PCDHGB4: variants seen among roughly 807,000 people sequenced by gnomAD.
PCDHGB4 encodes protocadherin gamma-B4.
In PCDHGB4, 38 loss-of-function variants were observed where a neutral mutation model predicts 60.5. The observed-to-expected ratio is 0.63, with a 90% CI of 0.48 to 0.82. The LOEUF (loss-of-function observed/expected upper bound fraction) is 0.82. Among genes scored for constraint, PCDHGB4 ranks in the 40% least tolerant of loss-of-function variants. The pLI, the probability that PCDHGB4 is intolerant of heterozygous loss-of-function variation, is 0.00. For missense variants in PCDHGB4, 1,109 were observed against 1,209.6 expected (o/e 0.92, Z 1.23); for synonymous variants, 456 against 509.7 (o/e 0.89, Z 1.42).
At chr5:141,442,947 C>T (rs185574624) in intron 1 of PCDHGB4, among the ~76,000 whole-genome samples, 92 of 152,282 alleles carry the variant, frequency 6.0e-4, no homozygotes, top group African/African-American at 1.7e-3. Flanking sequence ...AACTTCCTCT[C>T]ACTGCAAAAA....
chr5:141,498,078 G>A (rs1165770641), intron 2 of PCDHGB4, among the ~76,000 whole-genome samples: 6 of 152,194 alleles, frequency 3.9e-5, no homozygotes, highest in African/African-American at 1.4e-4. Flanking sequence ...ATAAGTGCTA[G>A]GTAGAATTGT....
rs368927472 is a variant in PCDHGB4 at position 141,490,874 on chromosome 5, A to G, written c.2398-3933A>G. The G allele has an allele frequency of 2.4e-5, 39 of 1,613,830 alleles. No individual in the cohort carries two copies. Among genetic ancestry groups the G allele is most frequent in the Non-Finnish European group, 3.1e-5 (36 of 1,179,960 alleles). ...CGAGACTCCGGCTCTCCCCCATTGCATGCCAACACATCTCTGCATGTGTTT... is the reference window on the plus strand; with the variant it reads ...CGAGACTCCGGCTCTCCCCCATTGCGTGCCAACACATCTCTGCATGTGTTT... On this transcript the variant is annotated intron_variant, in intron 1 of 3. Transcript: ENST00000519479. This position sits in a 1 kb window ranked among gnomAD's most constrained non-coding sequence, Gnocchi z 5.4.
intron 1 of PCDHGB4, chr5:141,409,044 T>G (rs2095215005): frequency 6.2e-7 from 1 of 1,613,762 alleles, no homozygotes; most frequent in African/African-American, 1.3e-5. Context: ...AACTACTACT[T>G]CCGAAGCACT....
At chr5:141,501,312 C>T (rs2099807672) in intron 2 of PCDHGB4, among the ~76,000 whole-genome samples, 1 of 151,778 alleles carries the variant, frequency 6.6e-6, no homozygotes, top group South Asian at 2.1e-4. Context: ...CACACACACA[C>T]ACACACACAC....
At chr5:141,450,995 T>G (rs983544118) in intron 1 of PCDHGB4, among the ~76,000 whole-genome samples, 3 of 151,510 alleles carry the variant, frequency 2.0e-5, no homozygotes, top group Non-Finnish European at 4.4e-5. Context: ...CGGCTAATTT[T>G]TTTGTATTTT....
At chr5:141,474,159 G>A (rs2154571930) in intron 1 of PCDHGB4, among the ~76,000 whole-genome samples, 1 of 152,226 alleles carries the variant, frequency 6.6e-6, no homozygotes, top group South Asian at 2.1e-4. Context: ...GAAAATGACA[G>A]GCCTTATTAT....
At chr5:141,397,279 G>A (rs1208403541) in intron 1 of PCDHGB4, among the ~76,000 whole-genome samples, 1 of 152,168 alleles carries the variant, frequency 6.6e-6, no homozygotes, top group East Asian at 1.9e-4. Context: ...CATATGGGCA[G>A]TATACTTGAA....
intron 1 of PCDHGB4, chr5:141,428,184 C>G: frequency 6.8e-7 from 1 of 1,463,674 alleles, no homozygotes; most frequent in Middle Eastern, 1.7e-4. Flanking sequence ...GGAGGACAGC[C>G]GCCGCTCTCT....
rs116140192 is a variant in PCDHGB4, at chr5:141,497,400, A to C, written c.2456+2535A>C. Among the ~76,000 whole-genome samples, 87 of 152,110 alleles carry C rather than the reference A, an allele frequency of 5.7e-4. 1 individual carries two copies. Among genetic ancestry groups the C allele is most frequent in the African/African-American group, 2.0e-3 (82 of 41,484 alleles). ...GGGGTGAGCACCTTACCCCTGCCTCAACTCCCATTCCATCAAATGAGAGGC... is the reference window on the plus strand; with the variant it reads ...GGGGTGAGCACCTTACCCCTGCCTCCACTCCCATTCCATCAAATGAGAGGC... On this transcript the variant is annotated intron_variant, in intron 2 of 3. Coordinates refer to ENST00000519479, the MANE Select transcript of PCDHGB4 (RefSeq NM_003736.4).
At chr5:141,428,635 G>A (rs1411119011) in intron 1 of PCDHGB4, 1 of 180,288 alleles carries the variant, frequency 5.5e-6, no homozygotes, top group Non-Finnish European at 1.2e-5. Context: ...TAACTCTGTT[G>A]CTCCTACTCA....
At chr5:141,398,730 C>T (rs200411955) in intron 1 of PCDHGB4, 568 of 1,613,656 alleles carry the variant, frequency 3.5e-4, no homozygotes, top group Non-Finnish European at 4.6e-4. Context: ...AAACCTTAGA[C>T]CGGGAACAAC....
intron 1 of PCDHGB4, among the ~76,000 whole-genome samples, chr5:141,453,080 A>T (rs1323212808): frequency 6.6e-6 from 1 of 151,960 alleles, no homozygotes; most frequent in Non-Finnish European, 1.5e-5. Context: ...ACTCTGGTTG[A>T]TTAGTATATT....
At chr5:141,425,686 A>C (rs1026122573) in intron 1 of PCDHGB4, among the ~76,000 whole-genome samples, 4 of 152,252 alleles carry the variant, frequency 2.6e-5, no homozygotes, top group Non-Finnish European at 5.9e-5. Context: ...AATACTGCAT[A>C]TCATTTCATA....
Position 141,392,895 on chromosome 5 carries a change from A to C in PCDHGB4, c.2397+2614A>C, listed in dbSNP as rs1213908930. ...GCTGGGAACGCTGTGGGAAATCGGG[A>C]GGGGACAGATTCGCTACTCTGTGCC... On this transcript the variant is annotated intron_variant, in intron 1 of 3. Transcript: ENST00000519479. 11 of 1,613,660 alleles carry C rather than the reference A, an allele frequency of 6.8e-6. No individual in the cohort carries two copies. The Admixed American group carries it at 1.8e-4, about 27-fold the overall frequency.
rs746524585 is a variant in PCDHGB4, at chr5:141,389,780, C to T, written c.1896C>T (p.Asp632=). 6.2e-7 allele frequency: 1 copy of T among 1,613,310 alleles called. No individual in the cohort carries two copies. The highest frequency in any genetic ancestry group is 1.1e-5 in the South Asian group (1 of 91,044). The change falls in exon 1 of 4, where the codon GAC becomes GAT. Residue 632 remains aspartate, a synonymous_variant. Transcript: ENST00000519479. The part of the protein sequence containing the change: ...GEVRTARALG[D]RDAVRQRLLV... The stretch of plus-strand genomic sequence containing the variant: ...TGCGCACAGCGCGTGCCTTAGGCGA[C>T]AGGGACGCCGTCCGCCAGCGCCTTC...
chr5:141,432,367 C>A lies in PCDHGB4; in HGVS notation c.2397+42086C>A, dbSNP rs2097491556. 6.2e-7 allele frequency: 1 copy of A among 1,614,246 alleles called. No individual in the cohort carries two copies. The highest frequency in any genetic ancestry group is 8.5e-7 in the Non-Finnish European group (1 of 1,180,040). The stretch of plus-strand genomic sequence containing the variant: ...TGCAAGTGAAAGTGATGGCGCGGGA[C>A]AACGGGCACCCGCCCCTCAGCAGCA... On this transcript the variant is annotated intron_variant, in intron 1 of 3. Transcript: ENST00000519479. This position sits in a 1 kb window ranked among gnomAD's most constrained non-coding sequence, Gnocchi z 6.0.
intron 1 of PCDHGB4, among the ~76,000 whole-genome samples, chr5:141,457,656 G>T (rs2098926936): frequency 6.6e-6 from 1 of 152,244 alleles, no homozygotes; most frequent in Non-Finnish European, 1.5e-5. Context: ...ATGAAGTGCA[G>T]CAAGAATGGT....
At chr5:141,497,703 C>T (rs995815060) in intron 2 of PCDHGB4, among the ~76,000 whole-genome samples, 16 of 152,134 alleles carry the variant, frequency 1.1e-4, no homozygotes, top group African/African-American at 3.9e-4. Context: ...CCACACCCAG[C>T]TCATTTTTGT....
chr5:141,404,585 A>G (rs541341061), intron 1 of PCDHGB4: 2 of 1,614,006 alleles, frequency 1.2e-6, no homozygotes, highest in East Asian at 2.2e-5. Context: ...ACTTAGCAGC[A>G]ATGTGTCATT....
Sources: allele counts gnomAD v4.1 joint callset (sites outside exome capture counted in the v4.1 genomes callset), GRCh38; gene constraint gnomAD v4.1.1; non-coding constraint Gnocchi (gnomAD v3.1); transcripts MANE v1.5; gene names NCBI Gene and HGNC (gene_info 2026-07-23, HGNC 2026-07-21).